TRIM34: variants seen among roughly 807,000 people sequenced by gnomAD.
TRIM34 encodes tripartite motif containing 34.
In TRIM34, 41 loss-of-function variants were observed where a neutral mutation model predicts 38.1. The observed-to-expected ratio is 1.08, with a 90% confidence interval of 0.84 to 1.40. TRIM34 has a LOEUF of 1.40. TRIM34 is among the 40% of genes most tolerant of loss of function. The pLI is 0.00. For missense variants in TRIM34, 556 were observed against 571.4 expected, an observed-to-expected ratio of 0.97 and a Z score of 0.27; for synonymous variants, 200 against 202.5, an observed-to-expected ratio of 0.99 and a Z score of 0.10.
At chr11:5,624,619 T>C (rs1849121006), upstream of TRIM34, among the ~76,000 whole-genome samples, 4 of 152,198 alleles carry the variant, frequency 2.6e-5, no homozygotes, top group South Asian at 8.3e-4. Context: ...CACAGCACTA[T>C]TGATGTTTTG....
chr11:5,621,197 G>A (rs1309347590), upstream of TRIM34, among the ~76,000 whole-genome samples: 1 of 152,172 alleles, frequency 6.6e-6, no homozygotes, highest in Non-Finnish European at 1.5e-5. Context: ...CCAGGCTGCT[G>A]CACTCTCTTA....
Position 5,633,797 on chromosome 11 carries a change from CT to C in TRIM34, c.424-6del. 1.9e-6 allele frequency: 3 copies of C among 1,612,842 alleles called. No individual in the cohort carries two copies. The highest frequency in any genetic ancestry group is 2.5e-6 in the Non-Finnish European group (3 of 1,179,502). On this transcript the variant is annotated splice_region_variant and splice_polypyrimidine_tract_variant and intron_variant, in intron 2 of 7. Transcript: ENST00000429814. ...AGCTTGACTGTAGTGTGATTCCCTTCTCATAGGAGAAACTCCAGGCAGTCCT... is the reference window on the plus strand; with the variant it reads ...AGCTTGACTGTAGTGTGATTCCCTTCCATAGGAGAAACTCCAGGCAGTCCT...
rs543403431 is a variant in TRIM34, at chr11:5,638,640, G to A, written c.751-2527G>A. Among the ~76,000 whole-genome samples, 12 of 152,374 alleles carry A rather than the reference G, an allele frequency of 7.9e-5. No individual in the cohort carries two copies. In the South Asian group the frequency reaches 1.7e-3, roughly 21 times the overall value. ...TTTTAGTGTCTGGGACAGGGACTGA[G>A]TGAATATTGATACCAGTTTGACAAT... is the stretch of plus-strand genomic sequence containing the variant. On this transcript the variant is annotated intron_variant, in intron 4 of 7. Transcript: ENST00000429814.
intron 4 of TRIM34, among the ~76,000 whole-genome samples, chr11:5,635,339 T>C (rs1405937494): frequency 6.7e-6 from 1 of 149,968 alleles, no homozygotes; most frequent in African/African-American, 2.5e-5. Flanking sequence ...CACTGCAAGC[T>C]CCGCCTCCCA....
At chr11:5,627,770 A>C (rs118025421) in intron 1 of TRIM34, among the ~76,000 whole-genome samples, 1 of 152,128 alleles carries the variant, frequency 6.6e-6, no homozygotes, top group Non-Finnish European at 1.5e-5. Context: ...AACAGGCTCT[A>C]CTTTCCTTAT....
upstream of TRIM34, among the ~76,000 whole-genome samples, chr11:5,622,402 G>A (rs1299895929): frequency 4.0e-5 from 6 of 149,442 alleles, no homozygotes; most frequent in Non-Finnish European, 5.9e-5. Flanking sequence ...CCGAGATCAC[G>A]CCACTGCACT....
chr11:5,643,332 G>C lies in TRIM34; in HGVS notation c.1090G>C (p.Gly364Arg). 2 of 1,613,844 alleles carry C rather than the reference G, an allele frequency of 1.2e-6. No homozygotes were observed. Among genetic ancestry groups the C allele is most frequent in the Non-Finnish European group, 1.7e-6 (2 of 1,179,940 alleles). The change falls in exon 8 of 8, where the codon GGG becomes CGG. Residue 364 changes from glycine (G) to arginine (R), a missense_variant. Physicochemically the swap from Gly to Arg is moderately radical, Grantham distance 125. Coordinates refer to ENST00000429814, the MANE Select transcript of TRIM34 (RefSeq NM_021616.6). Reference protein sequence around the residue: ...DVSKKTAWILGVYCRTYSRHM... With the variant: ...DVSKKTAWILRVYCRTYSRHM... ...GTCCAAGAAAACTGCCTGGATCCTG[G>C]GGGTATACTGTAGAACATATTCCCG... is the stretch of plus-strand genomic sequence containing the variant.
At chr11:5,620,258 AC>A (rs1222222352), upstream of TRIM34, among the ~76,000 whole-genome samples, 3 of 124,464 alleles carry the variant, frequency 2.4e-5, no homozygotes, top group East Asian at 2.5e-4. Flanking sequence ...GCTCACTGCA[AC>A]CTCCGCCTCC....
At chr11:5,638,862 C>T (rs1395399418) in intron 4 of TRIM34, among the ~76,000 whole-genome samples, 1 of 152,004 alleles carries the variant, frequency 6.6e-6, no homozygotes, top group East Asian at 1.9e-4. Context: ...CAACTGGTTA[C>T]AGGGAGAAGG....
chr11:5,620,540 C>T (rs1355198548), upstream of TRIM34, among the ~76,000 whole-genome samples: 1 of 152,150 alleles, frequency 6.6e-6, no homozygotes, highest in Non-Finnish European at 1.5e-5. Flanking sequence ...TAATGAGTCT[C>T]AAGCTCTTTA....
rs1240612136 is a variant in TRIM34 at position 5,643,358 on chromosome 11, C to T, written c.1116C>T (p.Arg372=). ...GGGTATACTGTAGAACATATTCCCG[C>T]CATATGAAGTATGTTGTTAGAAGAT... The part of the protein sequence containing the change: ...ILGVYCRTYS[R]HMKYVVRRCA... Residue 372 remains arginine (R), a synonymous_variant, in exon 8 of 8, where the codon CGC becomes CGT. Transcript: ENST00000429814. 2 of 1,613,958 alleles carry T rather than the reference C, an allele frequency of 1.2e-6. No individual in the cohort carries two copies. Among genetic ancestry groups the T allele is most frequent in the South Asian group, 2.2e-5 (2 of 91,072 alleles).
intron 3 of TRIM34, 103 bp from the exon 4 acceptor site, chr11:5,634,528 C>CATATATATATATATATATATATATATAT (rs1206053252): frequency 1.9e-6 from 1 of 530,320 alleles, no homozygotes; most frequent in African/African-American, 2.4e-5. Flanking sequence ...CACACACACA[C>CATATATATATATATATATATATATATAT]ACATATATAT....
intron 4 of TRIM34, among the ~76,000 whole-genome samples, chr11:5,638,991 T>C (rs1055480890): frequency 6.6e-6 from 1 of 152,206 alleles, no homozygotes; most frequent in African/African-American, 2.4e-5. Context: ...TGTTTCAATC[T>C]ATATCTATCT....
chr11:5,640,450 T>A (rs1038973590), intron 4 of TRIM34, among the ~76,000 whole-genome samples: 2 of 152,132 alleles, frequency 1.3e-5, no homozygotes, highest in Admixed American at 1.3e-4. Context: ...TGATTTTTTT[T>A]TATGTTGAAC....
intron 5 of TRIM34, among the ~76,000 whole-genome samples, chr11:5,641,750 T>G (rs951372330): frequency 6.6e-6 from 1 of 152,238 alleles, no homozygotes; most frequent in Non-Finnish European, 1.5e-5. Context: ...TATGGAAAAG[T>G]GTAGTCCTTG....
chr11:5,641,425 A>G (rs1850008381), intron 5 of TRIM34: 4 of 1,069,660 alleles, frequency 3.7e-6, no homozygotes, highest in Middle Eastern at 3.3e-4. Context: ...GCCAAAAAGG[A>G]TATTAAGGAT....
At chr11:5,623,272 A>G (rs1849059722), upstream of TRIM34, among the ~76,000 whole-genome samples, 1 of 152,004 alleles carries the variant, frequency 6.6e-6, no homozygotes, top group Admixed American at 6.5e-5. Flanking sequence ...TTAGTTACCA[A>G]TATTGAAATA....
chr11:5,639,857 A>C (rs1849929256), intron 4 of TRIM34, among the ~76,000 whole-genome samples: 1 of 152,100 alleles, frequency 6.6e-6, no homozygotes, highest in Non-Finnish European at 1.5e-5. Flanking sequence ...GTACTTAATA[A>C]GTATACATAT....
At chr11:5,629,285 A>C (rs763433059) in intron 1 of TRIM34, among the ~76,000 whole-genome samples, 6 of 152,168 alleles carry the variant, frequency 3.9e-5, no homozygotes, top group Admixed American at 1.3e-4. Flanking sequence ...TCAAAAAAAA[A>C]CAAAAACTAC....
Sources: gnomAD v4.1 joint callset for allele counts (sites outside exome capture counted in the v4.1 genomes callset) on GRCh38, gnomAD v4.1.1 for gene constraint, MANE v1.5 for transcripts, NCBI Gene and HGNC (gene_info 2026-07-23, HGNC 2026-07-21) for gene names.